Variants in KIRREL3 observed in about 807,000 individuals in gnomAD.
KIRREL3 encodes the protein kin of IRRE-like protein 3.
In KIRREL3, 36 loss-of-function variants were observed where a neutral mutation model predicts 89.7. The ratio of observed to expected loss-of-function variants is 0.40; its 90% CI spans 0.31 to 0.53. KIRREL3 has a LOEUF of 0.53. Among genes scored for constraint, KIRREL3 ranks in the 20% least tolerant of loss-of-function variants. The probability of loss-of-function intolerance (pLI) is 0.49; values close to 1 mark genes in which losing one functional copy is unlikely to be tolerated. For missense variants in KIRREL3, 864 were observed against 1,056.6 expected (o/e 0.82, Z 2.53); for synonymous variants, 445 against 441.4 (o/e 1.01, Z -0.10).
chr11:126,883,319 G>A lies in KIRREL3; in HGVS notation c.55+117136C>T. Among the ~76,000 whole-genome samples the A allele has an allele frequency of 6.6e-6, 1 of 152,134 alleles. No individual in the cohort carries two copies. The highest frequency in any genetic ancestry group is 3.2e-3 in the Middle Eastern group (1 of 316). ...GTGGTAGGAGAGAGATCTTCAAGCA[G>A]CACAGCAGTTAAAGAACTTTATAGC... On this transcript the variant is annotated intron_variant, in intron 1 of 16. Coordinates refer to ENST00000525144, the MANE Select transcript of KIRREL3 (RefSeq NM_032531.4). The surrounding 1 kb of genome is among the most constrained non-coding windows in gnomAD (Gnocchi z 4.1).
At chr11:126,733,447 C>T (rs59339446) in intron 1 of KIRREL3, among the ~76,000 whole-genome samples, 27,640 of 152,144 alleles carry the variant, frequency 0.18, 2,635 homozygotes, top group African/African-American at 0.2. Flanking sequence ...GGAGATGAAA[C>T]CAGTTTGCAT....
At position 126,508,516 on chromosome 11, in the gene KIRREL3, C is replaced by T. The variant is rs1478548284; in HGVS notation, c.433+12799G>A. Among the ~76,000 whole-genome samples the T allele has an allele frequency of 2.0e-5, 3 of 152,094 alleles. No individual in the cohort carries two copies. Among genetic ancestry groups the T allele is most frequent in the South Asian group, 2.1e-4 (1 of 4,820 alleles). On this transcript the variant is annotated intron_variant, in intron 4 of 16. Transcript: ENST00000525144. This position sits in a 1 kb window ranked among gnomAD's most constrained non-coding sequence, Gnocchi z 4.9. Reference sequence around the variant, plus strand: ...GGGTTTGCTCTTCGAGCCGACTCCCCGATTCCATGAGCCCTGGGATGGTGG... The same window carrying T: ...GGGTTTGCTCTTCGAGCCGACTCCCTGATTCCATGAGCCCTGGGATGGTGG...
chr11:126,882,451 C>A (rs1465685238), intron 1 of KIRREL3, among the ~76,000 whole-genome samples: 4 of 152,140 alleles, frequency 2.6e-5, no homozygotes, highest in Non-Finnish European at 5.9e-5. Context: ...TTGCATTTTG[C>A]TGTTACAAAA....
chr11:126,759,898 C>A (rs1540239), intron 1 of KIRREL3, among the ~76,000 whole-genome samples: 132,104 of 152,178 alleles, frequency 0.87, 57,634 homozygotes, highest in East Asian at 1. Flanking sequence ...ATGAAGAAGT[C>A]GCAGGAAATA....
rs996537082 is a variant in KIRREL3, at chr11:126,535,722, C to T, written c.134-9035G>A. 2.0e-5 allele frequency among the ~76,000 whole-genome samples: 3 copies of T among 152,200 alleles called. No homozygotes were observed. Among genetic ancestry groups the T allele is most frequent in the Non-Finnish European group, 2.9e-5 (2 of 68,036 alleles). ...GTTGAGGGCTGGGCCCGGTGGCTCA[C>T]GCCTGTAATCCCAGCACTTTGGGAA... On this transcript the variant is annotated intron_variant, in intron 2 of 16. Coordinates refer to ENST00000525144, the MANE Select transcript of KIRREL3 (RefSeq NM_032531.4). This position sits in a 1 kb window ranked among gnomAD's most constrained non-coding sequence, Gnocchi z 4.5.
chr11:126,621,044 C>T (rs1943556042), intron 1 of KIRREL3, among the ~76,000 whole-genome samples: 2 of 152,344 alleles, frequency 1.3e-5, no homozygotes, highest in South Asian at 4.1e-4. Context: ...GCAAAGTCAT[C>T]TTAAAAGAAT....
rs994938138 is a variant in KIRREL3, at chr11:126,999,547, G to A, written c.55+908C>T. On this transcript the variant is annotated intron_variant, in intron 1 of 16. Transcript: ENST00000525144. The surrounding 1 kb of genome is among the most constrained non-coding windows in gnomAD (Gnocchi z 5.7). Reference sequence around the variant, plus strand: ...GGCTGGCACAAATGCAGCCTCAGATGGCAGAGGTGCATTGGCATTCCAAAA... The same window carrying A: ...GGCTGGCACAAATGCAGCCTCAGATAGCAGAGGTGCATTGGCATTCCAAAA... Among the ~76,000 whole-genome samples the A allele has an allele frequency of 6.6e-6, 1 of 152,222 alleles. No individual in the cohort carries two copies. Among genetic ancestry groups the A allele is most frequent in the African/African-American group, 2.4e-5 (1 of 41,468 alleles).
chr11:126,974,691 C>T (rs1311691221), intron 1 of KIRREL3, among the ~76,000 whole-genome samples: 1 of 152,046 alleles, frequency 6.6e-6, no homozygotes, highest in Non-Finnish European at 1.5e-5. Context: ...GCCTGTTACA[C>T]ACCTAGGTTA....
intron 4 of KIRREL3, among the ~76,000 whole-genome samples, chr11:126,510,581 G>A (rs1188457453): frequency 6.6e-6 from 1 of 152,016 alleles, no homozygotes. Flanking sequence ...ACAGGTGTGA[G>A]CCACTGTGCC....
In KIRREL3 at chr11:127,000,339, A is replaced by C; in HGVS notation, c.55+116T>G. On this transcript the variant is annotated intron_variant, in intron 1 of 16. Coordinates refer to ENST00000525144, the MANE Select transcript of KIRREL3 (RefSeq NM_032531.4). The surrounding 1 kb of genome is among the most constrained non-coding windows in gnomAD (Gnocchi z 7.1). ...GCCAGAGCATCTCAGCCCGGCACCG[A>C]GAGACGCATCCATCAGTCCGAGTTC... 1 of 758,334 alleles carries C rather than the reference A, an allele frequency of 1.3e-6. No homozygotes were observed. Among genetic ancestry groups the C allele is most frequent in the Non-Finnish European group, 2.1e-6 (1 of 467,240 alleles). 47.0% of individuals were successfully genotyped at this position (758,334 alleles called of 1,614,324 possible). A position where few individuals can be genotyped will look rare whatever the true frequency, so the allele number is the denominator to read the frequency against.
intron 1 of KIRREL3, among the ~76,000 whole-genome samples, chr11:126,913,117 G>C (rs1946893160): frequency 6.6e-6 from 1 of 152,218 alleles, no homozygotes; most frequent in African/African-American, 2.4e-5. Context: ...TGGAGCTGAG[G>C]CTGGACAGTT....
chr11:126,939,050 T>C (rs933091057), intron 1 of KIRREL3, among the ~76,000 whole-genome samples: 4 of 152,186 alleles, frequency 2.6e-5, no homozygotes, highest in South Asian at 2.1e-4. Context: ...CAGGCACACA[T>C]AGTACGGACC....
chr11:126,843,016 GT>G lies in KIRREL3; in HGVS notation c.55+157438del, dbSNP rs1428388021. ...GCTGTGAGGAACTTGTGAGTTCTGA[GT>G]TCATCTGATCCCTGGACTCCCTGCC... is the stretch of plus-strand genomic sequence containing the variant. On this transcript the variant is annotated intron_variant, in intron 1 of 16. Transcript: ENST00000525144. The surrounding 1 kb of genome is among the most constrained non-coding windows in gnomAD (Gnocchi z 4.6). Among the ~76,000 whole-genome samples, 1 of 151,938 alleles carries G rather than the reference GT, an allele frequency of 6.6e-6. No homozygotes were observed. The highest frequency in any genetic ancestry group is 1.9e-4 in the East Asian group (1 of 5,180).
chr11:126,631,889 TA>T (rs1442807317), intron 1 of KIRREL3, among the ~76,000 whole-genome samples: 1 of 152,214 alleles, frequency 6.6e-6, no homozygotes, highest in African/African-American at 2.4e-5. Flanking sequence ...TCTTATGGAT[TA>T]TGTACCTTGC....
In KIRREL3 at chr11:126,859,827, T is replaced by G. The variant is rs145450829; in HGVS notation, c.55+140628A>C. Among the ~76,000 whole-genome samples the G allele has an allele frequency of 5.4e-3, 825 of 152,270 alleles. 5 individuals carry two copies. The highest frequency in any genetic ancestry group is 0.018 in the African/African-American group (735 of 41,544). On this transcript the variant is annotated intron_variant, in intron 1 of 16. Transcript: ENST00000525144. ...AGTCCATGAGGCAGCTAGGGTTGCT[T>G]GTTATAGCACCAACCTTAACCTGAG... is the stretch of plus-strand genomic sequence containing the variant.
At chr11:126,488,616 G>A (rs1277995083) in intron 4 of KIRREL3, among the ~76,000 whole-genome samples, 3 of 152,224 alleles carry the variant, frequency 2.0e-5, no homozygotes, top group African/African-American at 4.8e-5. Flanking sequence ...GAAGCAACAT[G>A]GAAGGAGCCG....
intron 1 of KIRREL3, among the ~76,000 whole-genome samples, chr11:126,823,169 C>A (rs530217694): frequency 6.6e-6 from 1 of 152,334 alleles, no homozygotes; most frequent in African/African-American, 2.4e-5. Flanking sequence ...ACTAACCATT[C>A]TGGATTCTAC....
rs1427326934 is a variant in KIRREL3 at position 126,623,303 on chromosome 11, C to A, written c.56-60391G>T. Among the ~76,000 whole-genome samples, 1 of 152,146 alleles carries A rather than the reference C, an allele frequency of 6.6e-6. No individual in the cohort carries two copies. The highest frequency in any genetic ancestry group is 1.5e-5 in the Non-Finnish European group (1 of 68,028). The stretch of plus-strand genomic sequence containing the variant: ...ACAGACTGCCTCCCTGGAAACCAGG[C>A]CTGTCCTTGGTGGTGTATGAGCAGG... On this transcript the variant is annotated intron_variant, in intron 1 of 16. Coordinates refer to ENST00000525144, the MANE Select transcript of KIRREL3 (RefSeq NM_032531.4). The surrounding 1 kb of genome is among the most constrained non-coding windows in gnomAD (Gnocchi z 4.1).
At chr11:126,932,428 G>A (rs1947989255) in intron 1 of KIRREL3, among the ~76,000 whole-genome samples, 1 of 152,192 alleles carries the variant, frequency 6.6e-6, no homozygotes, top group African/African-American at 2.4e-5. Flanking sequence ...GACACCGAAA[G>A]TGGGGGGTCC....
Sources: gnomAD v4.1 joint callset for allele counts (sites outside exome capture counted in the v4.1 genomes callset) on GRCh38, gnomAD v4.1.1 for gene constraint, Gnocchi (gnomAD v3.1) non-coding constraint, MANE v1.5 for transcripts, NCBI Gene and HGNC (gene_info 2026-07-23, HGNC 2026-07-21) for gene names.